The following PHF14 variants were observed in gnomAD, a reference collection of about 807,000 sequenced individuals.
The protein encoded by PHF14 is PHD finger protein 14.
PHF14 carries 55 observed loss-of-function variants against 117.9 expected under a neutral mutation model. The observed-to-expected ratio is 0.47, with a 90% CI of 0.38 to 0.58. The LOEUF (loss-of-function observed/expected upper bound fraction) is 0.58, where lower values mean the gene tolerates loss of function less well. PHF14 is among the 20% of genes least tolerant of loss of function. The pLI, the probability that PHF14 is intolerant of heterozygous loss-of-function variation, is 0.00. For missense variants in PHF14, 978 were observed against 1,122.2 expected, an observed-to-expected ratio of 0.87 and a Z score of 1.84; for synonymous variants, 409 against 368.6, an observed-to-expected ratio of 1.11 and a Z score of -1.26.
At chr7:11,137,293 G>T (rs888153625) in intron 17 of PHF14, among the ~76,000 whole-genome samples, 1 of 152,192 alleles carries the variant, frequency 6.6e-6, no homozygotes, top group African/African-American at 2.4e-5. Flanking sequence ...GAGGTGGCCA[G>T]TGCCTGCCAA....
intron 8 of PHF14, among the ~76,000 whole-genome samples, chr7:11,036,005 C>G (rs1784314340): frequency 6.6e-6 from 1 of 152,068 alleles, no homozygotes; most frequent in Non-Finnish European, 1.5e-5. Context: ...AGTAAATTTT[C>G]ACATTGAAAA....
At chr7:11,156,414 TG>T (rs34353724) in intron 17 of PHF14, among the ~76,000 whole-genome samples, 1 of 152,204 alleles carries the variant, frequency 6.6e-6, no homozygotes, top group Admixed American at 6.5e-5. Flanking sequence ...TGAAGATTAA[TG>T]GGTTCACTCT....
chr7:11,037,799 C>T (rs1784361593), intron 10 of PHF14, among the ~76,000 whole-genome samples: 1 of 152,144 alleles, frequency 6.6e-6, no homozygotes, highest in Non-Finnish European at 1.5e-5. Flanking sequence ...TAATCAGCTA[C>T]ACTGTGTAGT....
At chr7:11,122,400 T>TACATACACAC (rs2128346390) in intron 17 of PHF14, among the ~76,000 whole-genome samples, 1 of 115,088 alleles carries the variant, frequency 8.7e-6, no homozygotes, top group East Asian at 2.7e-4. Flanking sequence ...TACACACACA[T>TACATACACAC]ATATATATAC....
chr7:11,119,366 A>G (rs558503234), intron 17 of PHF14, among the ~76,000 whole-genome samples: 54 of 152,020 alleles, frequency 3.6e-4, no homozygotes, highest in Non-Finnish European at 7.8e-4. Flanking sequence ...CATTTGAAAT[A>G]TTAAAATAAG....
intron 4 of PHF14, among the ~76,000 whole-genome samples, chr7:11,000,556 C>A (rs1208568001): frequency 6.6e-6 from 1 of 152,034 alleles, no homozygotes; most frequent in Non-Finnish European, 1.5e-5. Context: ...CCAGGCTGGT[C>A]TCAAACTCCA....
At chr7:11,029,179 T>C (rs1784033522) in intron 7 of PHF14, among the ~76,000 whole-genome samples, 1 of 152,206 alleles carries the variant, frequency 6.6e-6, no homozygotes, top group Non-Finnish European at 1.5e-5. Context: ...GCTCTATTTT[T>C]CTTTAAATAA....
chr7:11,068,307 A>G (rs149988305), intron 16 of PHF14, among the ~76,000 whole-genome samples: 1,850 of 138,336 alleles, frequency 0.013, 38 homozygotes, highest in East Asian at 0.11. Flanking sequence ...CCAAGATCGC[A>G]CCACTGCACT....
intron 13 of PHF14, among the ~76,000 whole-genome samples, chr7:11,049,930 C>T (rs1285323509): frequency 2.6e-5 from 4 of 152,146 alleles, no homozygotes; most frequent in African/African-American, 9.7e-5. Flanking sequence ...TAAAAGTTTT[C>T]TGAGTAATAC....
chr7:11,052,042 G>C (rs960325569), intron 14 of PHF14, among the ~76,000 whole-genome samples: 1 of 152,126 alleles, frequency 6.6e-6, no homozygotes, highest in Non-Finnish European at 1.5e-5. Flanking sequence ...CATTCCCAAA[G>C]CTTTAGAAGT....
chr7:11,164,672 G>A (rs989528925), intron 17 of PHF14, among the ~76,000 whole-genome samples: 2 of 152,072 alleles, frequency 1.3e-5, no homozygotes, highest in Admixed American at 6.5e-5. Flanking sequence ...TGCAAAAATA[G>A]TGTAGAAATT....
intron 16 of PHF14, among the ~76,000 whole-genome samples, chr7:11,098,583 T>A (rs1786965954): frequency 6.6e-6 from 1 of 152,186 alleles, no homozygotes; most frequent in African/African-American, 2.4e-5. Context: ...GAACTCCAGT[T>A]CTTGTGGAAA....
intron 4 of PHF14, among the ~76,000 whole-genome samples, chr7:10,996,008 C>T (rs547123710): frequency 7.2e-5 from 11 of 152,356 alleles, no homozygotes; most frequent in African/African-American, 2.4e-4. Context: ...TCCTCAAGTG[C>T]GGCCAGAGTG....
chr7:11,045,247 A>G, intron 13 of PHF14, among the ~76,000 whole-genome samples: 1 of 152,142 alleles, frequency 6.6e-6, no homozygotes. Flanking sequence ...TGTTCTTACT[A>G]GTCCTTTCAT....
At chr7:11,127,259 C>T (rs552861866) in intron 17 of PHF14, among the ~76,000 whole-genome samples, 7 of 118,692 alleles carry the variant, frequency 5.9e-5, no homozygotes, top group Admixed American at 5.7e-4. Context: ...TTTTTTTTGA[C>T]TCATTGCTAG....
At chr7:10,988,831 A>T (rs1015970306) in intron 3 of PHF14, among the ~76,000 whole-genome samples, 2 of 152,160 alleles carry the variant, frequency 1.3e-5, no homozygotes, top group Admixed American at 1.3e-4. Context: ...TGAAGTAGAT[A>T]TTATTTTTAT....
At chr7:11,004,389 A>G (rs1226727036) in intron 4 of PHF14, among the ~76,000 whole-genome samples, 1 of 145,302 alleles carries the variant, frequency 6.9e-6, no homozygotes, top group Non-Finnish European at 1.5e-5. Flanking sequence ...ATACATATAC[A>G]CAAATATATA....
At chr7:11,017,249 C>A (rs1404945857) in intron 5 of PHF14, among the ~76,000 whole-genome samples, 1 of 151,602 alleles carries the variant, frequency 6.6e-6, no homozygotes, top group Non-Finnish European at 1.5e-5. Context: ...GATTTCCTTT[C>A]TTTCGGATGT....
At chr7:10,992,896 T>C (rs1220146972) in intron 4 of PHF14, among the ~76,000 whole-genome samples, 1 of 152,234 alleles carries the variant, frequency 6.6e-6, no homozygotes, top group Non-Finnish European at 1.5e-5. Flanking sequence ...CTTGAGTTTC[T>C]GTCTCATAGA....
Sources: gnomAD v4.1 joint callset for allele counts (sites outside exome capture counted in the v4.1 genomes callset) on GRCh38, gnomAD v4.1.1 for gene constraint, MANE v1.5 for transcripts, NCBI Gene and HGNC (gene_info 2026-07-23, HGNC 2026-07-21) for gene names.